The following ANKRD26 variants were observed in gnomAD, a reference collection of about 807,000 sequenced individuals.
The protein encoded by ANKRD26 is ankyrin repeat domain 26.
A neutral mutation model predicts 208.7 loss-of-function variants in ANKRD26; 141 were observed. That is an observed-to-expected ratio of 0.68 (90% CI 0.59 to 0.78). The LOEUF is 0.78. Among genes scored for constraint, ANKRD26 ranks in the 30% least tolerant of loss-of-function variants. The pLI, the probability that ANKRD26 is intolerant of heterozygous loss-of-function variation, is 0.00. For synonymous variants in ANKRD26, 636 were observed against 660.4 expected, an observed-to-expected ratio of 0.96 and a Z score of 0.57; for missense variants, 1,889 against 1,938.7, an observed-to-expected ratio of 0.97 and a Z score of 0.48.
chr10:27,050,432 G>A (rs1019058598), intron 16 of ANKRD26, among the ~76,000 whole-genome samples: 1 of 151,962 alleles, frequency 6.6e-6, no homozygotes, highest in Non-Finnish European at 1.5e-5. Context: ...TAAAGGTCTG[G>A]TTCAACAGAA....
In ANKRD26 at chr10:27,004,938, C is replaced by G. The variant is rs1482531545; in HGVS notation, c.*652G>C. The G allele has an allele frequency of 1.6e-6, 1 of 640,914 alleles. No homozygotes were observed. Among genetic ancestry groups the G allele is most frequent in the Admixed American group, 6.3e-5 (1 of 15,868 alleles). 39.7% of individuals were successfully genotyped at this position (640,914 alleles called of 1,614,324 possible). ...TAGAATGTCCTGACTTGTAGGAATG[C>G]CCACTAAAGTAATCAGGGGTGATGA... On this transcript the variant is annotated 3_prime_UTR_variant, in exon 34 of 34. Transcript: ENST00000376087.
At chr10:26,957,077 A>AT in the ANKRD26 span, among the ~76,000 whole-genome samples, 1 of 152,208 alleles carries the variant, frequency 6.6e-6, no homozygotes, top group African/African-American at 2.4e-5. Flanking sequence ...TTGGCAAGAG[A>AT]TTTTGGCAAA....
At chr10:26,985,118 A>C (rs1335920046) in intron 3 of ANKRD26, among the ~76,000 whole-genome samples, 2 of 152,096 alleles carry the variant, frequency 1.3e-5, no homozygotes, top group Non-Finnish European at 2.9e-5. Flanking sequence ...TTACTAAAAC[A>C]TACTTTTAAA....
intron 17 of ANKRD26, among the ~76,000 whole-genome samples, chr10:27,047,739 A>AATTATTATT (rs1193095720): frequency 1.5e-3 from 74 of 49,334 alleles, no homozygotes; most frequent in African/African-American, 2.7e-3. Flanking sequence ...TAATAATAAT[A>AATTATTATT]ATTATTATTA....
chr10:27,003,335 T>TC (rs2052767674), downstream of ANKRD26, among the ~76,000 whole-genome samples: 1 of 152,030 alleles, frequency 6.6e-6, no homozygotes, highest in Admixed American at 6.6e-5. Context: ...CTTTCCCTTC[T>TC]CCCCCTATTT....
At chr10:26,996,270 GA>G (rs796632863) in intron 4 of ANKRD26, among the ~76,000 whole-genome samples, 1 of 150,870 alleles carries the variant, frequency 6.6e-6, no homozygotes, top group African/African-American at 2.4e-5. Context: ...AATATAGTGA[GA>G]AAAAAAAAGG....
rs2055319806 is a variant in ANKRD26, at chr10:27,067,799, C to G, written c.1078-513G>C. Among the ~76,000 whole-genome samples, 3 of 152,128 alleles carry G rather than the reference C, an allele frequency of 2.0e-5. No homozygotes were observed. In the South Asian group the frequency reaches 6.2e-4, roughly 32 times the overall value. ...TTACATTTCAATATGAGATTTGGGG[C>G]AGGACACACTTCCAAACTATACCAG... is the stretch of plus-strand genomic sequence containing the variant. On this transcript the variant is annotated intron_variant, in intron 9 of 33. Coordinates refer to ENST00000376087, the MANE Select transcript of ANKRD26 (RefSeq NM_014915.3).
At chr10:27,071,359 A>G (rs1589331938) in intron 9 of ANKRD26, among the ~76,000 whole-genome samples, 1 of 148,440 alleles carries the variant, frequency 6.7e-6, no homozygotes, top group Non-Finnish European at 1.5e-5. Flanking sequence ...TTTTTTTAGT[A>G]GGGACGGGGT....
chr10:27,060,144 A>G (rs2054998730), intron 15 of ANKRD26, among the ~76,000 whole-genome samples: 1 of 152,200 alleles, frequency 6.6e-6, no homozygotes, highest in Admixed American at 6.5e-5. Context: ...CGGAGGTTGC[A>G]GTGAGCCGAG....
chr10:27,047,698 A>G (rs969461205), intron 17 of ANKRD26, among the ~76,000 whole-genome samples: 1 of 136,002 alleles, frequency 7.4e-6, no homozygotes, highest in Admixed American at 7.6e-5. Context: ...AAAAACTGTA[A>G]TAATACTACT....
chr10:27,089,749 C>G lies in ANKRD26; in HGVS notation c.638+2657G>C, dbSNP rs201270273. On this transcript the variant is annotated intron_variant, in intron 4 of 33. Transcript: ENST00000376087. ...GAAGCTGTGGTGACCTGTGATCGTGCCCCTGCACTCCAGCCCAGGTGACAG... is the reference window on the plus strand; with the variant it reads ...GAAGCTGTGGTGACCTGTGATCGTGGCCCTGCACTCCAGCCCAGGTGACAG... 6.6e-5 allele frequency among the ~76,000 whole-genome samples: 10 copies of G among 152,348 alleles called. No individual in the cohort carries two copies. In the East Asian group the frequency reaches 1.9e-3, roughly 29 times the overall value.
rs1438089138 is a variant in ANKRD26, at chr10:27,062,006, A to G, written c.1364-764T>C. 3.0e-6 allele frequency: 3 copies of G among 985,182 alleles called. No individual in the cohort carries two copies. The African/African-American group carries it at 5.2e-5, about 17-fold the overall frequency. The allele number at this position is 985,182 out of a possible 1,614,324, so 61.0% of individuals were successfully genotyped here. On this transcript the variant is annotated intron_variant, in intron 12 of 33. Coordinates refer to ENST00000376087, the MANE Select transcript of ANKRD26 (RefSeq NM_014915.3). ...AATCGTCTGTTTGAGTGTAAATGCA[A>G]TGAATCCATCTGAAATGAGTTCTCT... is the stretch of plus-strand genomic sequence containing the variant.
rs1449899534 is a variant in ANKRD26 at position 27,021,818 on chromosome 10, T to C, written c.4215+740A>G. On this transcript the variant is annotated intron_variant, in intron 29 of 33. Coordinates refer to ENST00000376087, the MANE Select transcript of ANKRD26 (RefSeq NM_014915.3). The stretch of plus-strand genomic sequence containing the variant: ...ATCAATGATGTTGAGCTTTTTATCA[T>C]GTTTGTTGGGTTGCATGTATGTCTT... Among the ~76,000 whole-genome samples the C allele has an allele frequency of 3.9e-5, 6 of 152,168 alleles. No homozygotes were observed. In the South Asian group the frequency reaches 1.2e-3, roughly 31 times the overall value.
At chr10:27,098,499 A>G (rs1219821322) in intron 1 of ANKRD26, among the ~76,000 whole-genome samples, 1 of 152,204 alleles carries the variant, frequency 6.6e-6, no homozygotes, top group African/African-American at 2.4e-5. Flanking sequence ...AGAAATCATA[A>G]AGAAAAAAGT....
chr10:27,023,624 G>A (rs553303874), intron 28 of ANKRD26, among the ~76,000 whole-genome samples: 1 of 152,204 alleles, frequency 6.6e-6, no homozygotes, highest in South Asian at 2.1e-4. Context: ...TTTCAGAAGA[G>A]ATCCAGAAAT....
At chr10:27,050,895 CT>C (rs1234703240) in intron 16 of ANKRD26, among the ~76,000 whole-genome samples, 1 of 152,098 alleles carries the variant, frequency 6.6e-6, no homozygotes, top group African/African-American at 2.4e-5. Flanking sequence ...GAATGTTTTC[CT>C]TAACTCTTGT....
At chr10:26,991,215 A>C (rs979278244), downstream of ANKRD26, among the ~76,000 whole-genome samples, 2 of 152,208 alleles carry the variant, frequency 1.3e-5, no homozygotes, top group Non-Finnish European at 2.9e-5. Flanking sequence ...CCAAGCACCA[A>C]TAGGAGAGTT....
intron 21 of ANKRD26, among the ~76,000 whole-genome samples, chr10:27,039,513 C>T (rs529607396): frequency 1.3e-5 from 2 of 150,638 alleles, no homozygotes; most frequent in East Asian, 1.9e-4. Flanking sequence ...TTGATTGAAA[C>T]GTAAATTAAC....
intron 4 of ANKRD26, among the ~76,000 whole-genome samples, chr10:27,088,011 C>G (rs1334186675): frequency 1.3e-5 from 2 of 152,104 alleles, no homozygotes; most frequent in Non-Finnish European, 2.9e-5. Context: ...GTCTTGAACT[C>G]CTGGCCTCAA....
Sources: allele counts gnomAD v4.1 joint callset (sites outside exome capture counted in the v4.1 genomes callset), GRCh38; gene constraint gnomAD v4.1.1; transcripts MANE v1.5; gene names NCBI Gene and HGNC (gene_info 2026-07-23, HGNC 2026-07-21).